PCDHA10: variants seen among roughly 807,000 people sequenced by gnomAD.
PCDHA10 encodes protocadherin alpha-10.
PCDHA10 carries 45 observed loss-of-function variants against 61.2 expected under a neutral mutation model. That is an observed-to-expected ratio of 0.74 (90% CI 0.58 to 0.94). The LOEUF is 0.94. Ranked by LOEUF, PCDHA10 falls within the 40% of genes least tolerant of loss-of-function variation. The pLI is 0.00. For missense variants in PCDHA10, 1,278 were observed against 1,236.2 expected, an observed-to-expected ratio of 1.03 and a Z score of -0.51; for synonymous variants, 602 against 548.8, an observed-to-expected ratio of 1.10 and a Z score of -1.35.
At chr5:140,944,608 G>T (rs2093673405) in intron 1 of PCDHA10, among the ~76,000 whole-genome samples, 1 of 152,176 alleles carries the variant, frequency 6.6e-6, no homozygotes, top group Non-Finnish European at 1.5e-5. Context: ...AGAGTAGTGT[G>T]CTGTAGAAGT....
chr5:140,867,568 T>C (rs2050045240), intron 1 of PCDHA10: 1 of 152,150 alleles, frequency 6.6e-6, no homozygotes, highest in Non-Finnish European at 1.5e-5. Context: ...AACTTTTTCA[T>C]ATGCCCTTGC....
At chr5:141,004,013 G>C (rs1327248207) in intron 3 of PCDHA10, among the ~76,000 whole-genome samples, 4 of 152,124 alleles carry the variant, frequency 2.6e-5, no homozygotes, top group African/African-American at 9.7e-5. Context: ...AGGCAGCACT[G>C]AAAGAAGAAA....
rs781995177 is a variant in PCDHA10 at position 140,857,719 on chromosome 5, G to T, written c.1671G>T (p.Glu557Asp). 3.8e-6 allele frequency: 6 copies of T among 1,597,526 alleles called. No homozygotes were observed. The South Asian group carries it at 5.5e-5, about 15-fold the overall frequency. The stretch of plus-strand genomic sequence containing the variant: ...CGCTGCAGGTGTTCGTGCTGGACGA[G>T]AACGACAACGCTCCCGCGCTGCTGG... ...NLTLQVFVLD[E>D]NDNAPALLAS... Residue 557 changes from glutamate to aspartate, a missense_variant, in exon 1 of 4, where the codon GAG becomes GAT. Physicochemically the swap from Glu to Asp is conservative, Grantham distance 45. Transcript: ENST00000307360.
At chr5:140,948,860 T>C (rs2094315023) in intron 1 of PCDHA10, among the ~76,000 whole-genome samples, 2 of 151,640 alleles carry the variant, frequency 1.3e-5, no homozygotes, top group Non-Finnish European at 3.0e-5. Flanking sequence ...CTTCTTATAT[T>C]ACTTCGGGTT....
chr5:140,861,046 A>G (rs2046732410), intron 1 of PCDHA10: 1 of 152,256 alleles, frequency 6.6e-6, no homozygotes, highest in African/African-American at 2.4e-5. Context: ...ATTTTTTTTA[A>G]CAGAAGAAAA....
At chr5:140,926,938 G>C in intron 1 of PCDHA10, 1 of 1,581,492 alleles carries the variant, frequency 6.3e-7, no homozygotes. Context: ...GGTTTCCTGC[G>C]GCGCTGCAGC....
At chr5:141,001,885 A>C (rs1462586962) in intron 3 of PCDHA10, among the ~76,000 whole-genome samples, 2 of 152,228 alleles carry the variant, frequency 1.3e-5, no homozygotes, top group African/African-American at 2.4e-5. Context: ...GAAGGAGCAA[A>C]GAAATCGGGG....
chr5:140,988,403 C>T (rs1054317981), intron 3 of PCDHA10, among the ~76,000 whole-genome samples: 3 of 152,036 alleles, frequency 2.0e-5, no homozygotes, highest in African/African-American at 4.8e-5. Context: ...GAGTTCTCTT[C>T]GCAGCTTATG....
At chr5:140,927,619 C>T (rs2084429859) in intron 1 of PCDHA10, 3 of 1,614,170 alleles carry the variant, frequency 1.9e-6, no homozygotes, top group Non-Finnish European at 2.5e-6. Flanking sequence ...CACCAAGGTT[C>T]CAGAGACTGC....
intron 1 of PCDHA10, among the ~76,000 whole-genome samples, chr5:140,931,683 A>C (rs1482331530): frequency 6.6e-6 from 1 of 151,950 alleles, no homozygotes; most frequent in Non-Finnish European, 1.5e-5. Flanking sequence ...AAATAAATGA[A>C]TTGTGATTCA....
Position 140,996,044 on chromosome 5 carries a change from A to G in PCDHA10, c.2536+13481A>G, listed in dbSNP as rs569475149. Among the ~76,000 whole-genome samples, 13 of 152,366 alleles carry G rather than the reference A, an allele frequency of 8.5e-5. No homozygotes were observed. The South Asian group carries it at 1.9e-3, about 22-fold the overall frequency. Reference sequence around the variant, plus strand: ...GTTTAATGCTCCTAGCACTTAACACAGTGCTTGGCACACAGTAAAGAGGAT... The same window carrying G: ...GTTTAATGCTCCTAGCACTTAACACGGTGCTTGGCACACAGTAAAGAGGAT... On this transcript the variant is annotated intron_variant, in intron 3 of 3. Coordinates refer to ENST00000307360, the MANE Select transcript of PCDHA10 (RefSeq NM_018901.4).
intron 1 of PCDHA10, among the ~76,000 whole-genome samples, chr5:140,909,861 A>C (rs782745985): frequency 6.6e-6 from 1 of 152,186 alleles, no homozygotes. Context: ...GGTCCCCTGG[A>C]GTCAACGTCA....
chr5:140,957,694 C>T (rs269548), intron 1 of PCDHA10, among the ~76,000 whole-genome samples: 31,397 of 151,782 alleles, frequency 0.21, 4,012 homozygotes, highest in African/African-American at 0.36. Flanking sequence ...AGACAATGAA[C>T]ATTATGTAGT....
rs544074425 is a variant in PCDHA10, at chr5:140,965,070, C to A, written c.2389-13879C>A. Among the ~76,000 whole-genome samples the A allele has an allele frequency of 1.2e-4, 19 of 152,306 alleles. 1 individual carries two copies. In the South Asian group the frequency reaches 3.9e-3, roughly 32 times the overall value. On this transcript the variant is annotated intron_variant, in intron 1 of 3. Coordinates refer to ENST00000307360, the MANE Select transcript of PCDHA10 (RefSeq NM_018901.4). ...GGGAAGCATGCCAAATGTCAGGTCT[C>A]ACTCTGACTTTGTTCCAGTCCATAG... is the stretch of plus-strand genomic sequence containing the variant.
intron 1 of PCDHA10, chr5:140,969,405 C>T (rs781817372): frequency 6.3e-7 from 1 of 1,577,066 alleles, no homozygotes; most frequent in Non-Finnish European, 8.6e-7. Flanking sequence ...TGTGATTTGG[C>T]TTTATTGAGT....
At chr5:140,982,213 A>G in intron 2 of PCDHA10, 2 of 482,032 alleles carry the variant, frequency 4.1e-6, no homozygotes, top group South Asian at 8.1e-5. Context: ...TGAGCGCCAC[A>G]TGGCGTTAAT....
intron 1 of PCDHA10, among the ~76,000 whole-genome samples, chr5:140,977,356 T>C (rs1563455891): frequency 6.6e-6 from 1 of 152,250 alleles, no homozygotes; most frequent in African/African-American, 2.4e-5. Flanking sequence ...GACTGATTGA[T>C]AAAAAGTATT....
intron 1 of PCDHA10, chr5:140,876,193 G>A: frequency 6.2e-7 from 1 of 1,613,950 alleles, no homozygotes; most frequent in Non-Finnish European, 8.5e-7. Flanking sequence ...CAATGGTCCG[G>A]CGTTTGATAA....
intron 1 of PCDHA10, chr5:140,862,735 G>T: frequency 1.7e-6 from 1 of 574,782 alleles, no homozygotes. Flanking sequence ...GTCTAGCTAT[G>T]TGTGGGTGCA....
Sources: allele counts gnomAD v4.1 joint callset (sites outside exome capture counted in the v4.1 genomes callset), GRCh38; gene constraint gnomAD v4.1.1; transcripts MANE v1.5; gene names NCBI Gene and HGNC (gene_info 2026-07-23, HGNC 2026-07-21).